SLCO3A1: variants seen among roughly 807,000 people sequenced by gnomAD.
SLCO3A1 encodes the protein solute carrier organic anion transporter family member 3A1.
Under a neutral mutation model 63.1 loss-of-function variants are expected in SLCO3A1, and 27 were observed. That is an observed-to-expected ratio of 0.43 (90% CI 0.32 to 0.59). The LOEUF (loss-of-function observed/expected upper bound fraction) is 0.59, where lower values mean the gene tolerates loss of function less well. Ranked by LOEUF, SLCO3A1 falls within the 20% of genes least tolerant of loss-of-function variation. The pLI is 0.09. For synonymous variants in SLCO3A1, 473 were observed against 409.9 expected, an observed-to-expected ratio of 1.15 and a Z score of -1.86; for missense variants, 773 against 945.8, an observed-to-expected ratio of 0.82 and a Z score of 2.40.
intron 4 of SLCO3A1, among the ~76,000 whole-genome samples, chr15:92,114,226 A>G (rs1001002040): frequency 5.3e-5 from 8 of 152,086 alleles, no homozygotes; most frequent in Non-Finnish European, 1.2e-4. Flanking sequence ...CATGTCACTG[A>G]TGGTTGGTTC....
At chr15:91,979,427 A>G (rs1901248785) in intron 2 of SLCO3A1, among the ~76,000 whole-genome samples, 1 of 152,192 alleles carries the variant, frequency 6.6e-6, no homozygotes. Flanking sequence ...GCAGTACTCA[A>G]AAAGTTTCAG....
At position 91,872,971 on chromosome 15, in the gene SLCO3A1, G is replaced by A. The variant is rs544504629; in HGVS notation, c.180+18883G>A. 5.3e-5 allele frequency among the ~76,000 whole-genome samples: 8 copies of A among 152,284 alleles called. No individual in the cohort carries two copies. In the South Asian group the frequency reaches 6.2e-4, roughly 12 times the overall value. On this transcript the variant is annotated intron_variant, in intron 1 of 9. Transcript: ENST00000318445. The surrounding 1 kb of genome is among the most constrained non-coding windows in gnomAD (Gnocchi z 4.1). The stretch of plus-strand genomic sequence containing the variant: ...CTGCTCCTGGCATGCAGCTACCTGC[G>A]TGCTCAGCACTCACCTGCGTTCCTG...
chr15:92,041,045 T>C (rs1450794676), intron 2 of SLCO3A1, among the ~76,000 whole-genome samples: 2 of 152,116 alleles, frequency 1.3e-5, no homozygotes, highest in African/African-American at 4.8e-5. Flanking sequence ...ATGATGCCCA[T>C]CTCATGGGGT....
intron 1 of SLCO3A1, among the ~76,000 whole-genome samples, chr15:91,892,189 G>T: frequency 6.6e-6 from 1 of 152,194 alleles, no homozygotes; most frequent in East Asian, 1.9e-4. Flanking sequence ...CTCAGGAAAG[G>T]TCTGTCTTTA....
intron 1 of SLCO3A1, among the ~76,000 whole-genome samples, chr15:91,911,248 A>G (rs1409624249): frequency 6.6e-6 from 1 of 152,212 alleles, no homozygotes; most frequent in Non-Finnish European, 1.5e-5. Context: ...GGAGGCGATA[A>G]TTTCAATTTG....
At chr15:91,924,577 C>T (rs1429826568) in intron 2 of SLCO3A1, among the ~76,000 whole-genome samples, 1 of 152,136 alleles carries the variant, frequency 6.6e-6, no homozygotes. Flanking sequence ...GTGAATGTCA[C>T]AGCCAGAAAA....
chr15:92,021,782 C>G (rs1320057859), intron 2 of SLCO3A1, among the ~76,000 whole-genome samples: 1 of 152,120 alleles, frequency 6.6e-6, no homozygotes, highest in Non-Finnish European at 1.5e-5. Context: ...TTATTGTTAA[C>G]GATGACTCTG....
chr15:92,108,846 C>A (rs1160660167), intron 4 of SLCO3A1, among the ~76,000 whole-genome samples: 1 of 152,080 alleles, frequency 6.6e-6, no homozygotes. Context: ...CCTCTGTGTA[C>A]CTGCCCCTGT....
chr15:92,040,341 T>A (rs974283580), intron 2 of SLCO3A1, among the ~76,000 whole-genome samples: 4 of 152,232 alleles, frequency 2.6e-5, no homozygotes, highest in African/African-American at 9.6e-5. Context: ...TTCAAAGGCA[T>A]GGAAACAGAT....
chr15:92,162,697 G>A (rs2048454287), intron 9 of SLCO3A1, 59 bp from the exon 10 acceptor site: 1 of 1,537,386 alleles, frequency 6.5e-7, no homozygotes. Flanking sequence ...GGCAGAGACA[G>A]GAACAGGGGA....
chr15:92,071,248 G>T (rs1358697570), intron 2 of SLCO3A1, among the ~76,000 whole-genome samples: 4 of 152,188 alleles, frequency 2.6e-5, no homozygotes, highest in African/African-American at 9.7e-5. Flanking sequence ...TGCGAGGCCG[G>T]TGCCTGCCAG....
At chr15:91,913,357 C>T (rs771428247) in intron 1 of SLCO3A1, among the ~76,000 whole-genome samples, 6 of 152,228 alleles carry the variant, frequency 3.9e-5, no homozygotes, top group South Asian at 2.1e-4. Flanking sequence ...GCCTTAGCCC[C>T]GCGCTGCTCA....
intron 2 of SLCO3A1, among the ~76,000 whole-genome samples, chr15:92,016,291 ATATATATAT>A (rs2046436592): frequency 2.8e-5 from 3 of 108,238 alleles, no homozygotes; most frequent in African/African-American, 3.9e-5. Context: ...GATGTTATAG[ATATATATAT>A]TATGTATTTG....
At chr15:91,978,369 T>C (rs1901199162) in intron 2 of SLCO3A1, among the ~76,000 whole-genome samples, 1 of 152,228 alleles carries the variant, frequency 6.6e-6, no homozygotes, top group Non-Finnish European at 1.5e-5. Flanking sequence ...TGTGCACAAG[T>C]GTCTGGCATC....
At chr15:91,934,476 C>T (rs796465806) in intron 2 of SLCO3A1, among the ~76,000 whole-genome samples, 10 of 152,276 alleles carry the variant, frequency 6.6e-5, no homozygotes, top group African/African-American at 9.6e-5. Context: ...AAGGGAAAAG[C>T]GGGTGCCCCA....
chr15:92,104,072 G>A (rs2151545536), intron 3 of SLCO3A1, among the ~76,000 whole-genome samples: 1 of 152,294 alleles, frequency 6.6e-6, no homozygotes, highest in Admixed American at 6.5e-5. Context: ...AGAAAATTAA[G>A]GGGGGAATGT....
intron 2 of SLCO3A1, among the ~76,000 whole-genome samples, chr15:92,002,764 A>G (rs981694679): frequency 6.6e-6 from 1 of 152,180 alleles, no homozygotes; most frequent in Non-Finnish European, 1.5e-5. Flanking sequence ...ATTTTCCCAA[A>G]TGCATCTCTT....
At chr15:92,150,927 TC>T in intron 8 of SLCO3A1, 22 bp from the exon 9 acceptor site, 2 of 1,583,642 alleles carry the variant, frequency 1.3e-6, no homozygotes, top group South Asian at 1.2e-5. Flanking sequence ...GTTTTTTTTT[TC>T]TCTTCATCTC....
intron 2 of SLCO3A1, among the ~76,000 whole-genome samples, chr15:92,080,066 G>A (rs536866240): frequency 6.6e-6 from 1 of 152,270 alleles, no homozygotes; most frequent in Non-Finnish European, 1.5e-5. Context: ...GGCTGGGCCT[G>A]GAGAGAAAGA....
Sources: gnomAD v4.1 joint callset for allele counts (sites outside exome capture counted in the v4.1 genomes callset) on GRCh38, gnomAD v4.1.1 for gene constraint, Gnocchi (gnomAD v3.1) non-coding constraint, MANE v1.5 for transcripts, NCBI Gene and HGNC (gene_info 2026-07-23, HGNC 2026-07-21) for gene names.